Variants in LARP4 observed in about 807,000 individuals in gnomAD.
LARP4 encodes the protein La ribonucleoprotein 4, also known as la-related protein 4.
In LARP4, 29 loss-of-function variants were observed where a neutral mutation model predicts 92.9. The observed-to-expected ratio is 0.31, with a 90% confidence interval of 0.23 to 0.43. The LOEUF is 0.43. LARP4 is among the 20% of genes least tolerant of loss of function. The pLI, the probability that LARP4 is intolerant of heterozygous loss-of-function variation, is 1.00. For synonymous variants in LARP4, 279 were observed against 284.1 expected (o/e 0.98, Z 0.18); for missense variants, 732 against 860.0 (o/e 0.85, Z 1.86).
rs1161097998 is a variant in LARP4, at chr12:50,444,066, C to T, written c.804+2423C>T. 2.0e-5 allele frequency among the ~76,000 whole-genome samples: 3 copies of T among 152,144 alleles called. No individual in the cohort carries two copies. The East Asian group carries it at 5.8e-4, about 29-fold the overall frequency. ...AGAATATTTGTCTAGTTCCAACAAA[C>T]AGCCAAACAAAATCTATAATGGAAT... is the stretch of plus-strand genomic sequence containing the variant. On this transcript the variant is annotated intron_variant, in intron 8 of 15. Transcript: ENST00000398473.
chr12:50,445,793 G>A (rs1951914600), intron 8 of LARP4, among the ~76,000 whole-genome samples: 1 of 152,024 alleles, frequency 6.6e-6, no homozygotes, highest in African/African-American at 2.4e-5. Context: ...TCTCTCTGCT[G>A]TGATTTCCCC....
chr12:50,462,634 A>G lies in LARP4; in HGVS notation c.1383+4A>G. The G allele has an allele frequency of 6.3e-7, 1 of 1,583,582 alleles. No homozygotes were observed. Among genetic ancestry groups the G allele is most frequent in the Non-Finnish European group, 8.6e-7 (1 of 1,159,734 alleles). On this transcript the variant is annotated splice_donor_region_variant and intron_variant, in intron 12 of 15. Coordinates refer to ENST00000398473, the MANE Select transcript of LARP4 (RefSeq NM_052879.5). ...ACGAGAAGATGACAGGATCTCAGTA[A>G]GTTTTTTAAAACTTTTATTCAGACT...
intron 8 of LARP4, among the ~76,000 whole-genome samples, chr12:50,442,736 T>C (rs1951414367): frequency 6.6e-6 from 1 of 152,236 alleles, no homozygotes; most frequent in African/African-American, 2.4e-5. Flanking sequence ...TTTTGTTTTC[T>C]TCAGTTTCCT....
At chr12:50,439,184 G>T (rs924708572) in intron 6 of LARP4, among the ~76,000 whole-genome samples, 6 of 151,998 alleles carry the variant, frequency 3.9e-5, no homozygotes, top group Non-Finnish European at 7.4e-5. Flanking sequence ...AGCAATCTGT[G>T]CACCTTGGCC....
intron 1 of LARP4, among the ~76,000 whole-genome samples, chr12:50,420,157 A>G (rs1427635941): frequency 6.6e-6 from 1 of 152,212 alleles, no homozygotes. Flanking sequence ...TTGATCAGAT[A>G]GATTTGAGGA....
At position 50,427,801 on chromosome 12, in the gene LARP4, A is replaced by C. The variant is rs1949021371; in HGVS notation, c.58A>C (p.Lys20Gln). 1 of 1,598,540 alleles carries C rather than the reference A, an allele frequency of 6.3e-7. No individual in the cohort carries two copies. The change falls in exon 2 of 16, where the codon AAA (lysine) becomes CAA (glutamine). Residue 20 changes from lysine (K) to glutamine (Q), a missense_variant. By Grantham distance (53) the Lys-to-Gln change is moderately conservative. Coordinates refer to ENST00000398473, the MANE Select transcript of LARP4 (RefSeq NM_052879.5). Reference sequence around the variant, plus strand: ...AGGAACTGGTTTAAATCCTAATGCCAAAGTATGGCAAGAAATTGCTCCTGG... The same window carrying C: ...AGGAACTGGTTTAAATCCTAATGCCCAAGTATGGCAAGAAATTGCTCCTGG... ...SKGTGLNPNAKVWQEIAPGNT... is the reference protein window; with the variant it reads ...SKGTGLNPNAQVWQEIAPGNT...
intron 1 of LARP4, among the ~76,000 whole-genome samples, chr12:50,409,494 C>T (rs1455449586): frequency 6.6e-6 from 1 of 152,142 alleles, no homozygotes; most frequent in Non-Finnish European, 1.5e-5. Context: ...GGTGCAGTGG[C>T]TCATGCCTGT....
rs1420329667 is a variant in LARP4, at chr12:50,475,847, C to T, written c.2158C>T (p.Pro720Ser). The T allele has an allele frequency of 6.2e-7, 1 of 1,611,856 alleles. No individual in the cohort carries two copies. Among genetic ancestry groups the T allele is most frequent in the Non-Finnish European group, 8.5e-7 (1 of 1,178,954 alleles). Reference sequence around the variant, plus strand: ...TAATGGCAAAGAGCAATATGTGCCACCCAGATCACCAAAGTAAAAAACAAC... The same window carrying T: ...TAATGGCAAAGAGCAATATGTGCCATCCAGATCACCAAAGTAAAAAACAAC... ...RRNGKEQYVPPRSPK is the reference protein window; with the variant it reads ...RRNGKEQYVPSRSPK Residue 720 changes from proline (P) to serine (S), a missense_variant, in exon 16 of 16, where the codon CCC becomes TCC. By Grantham distance (74) the Pro-to-Ser change is moderately conservative. This residue lies in a region of LARP4 where 115 missense variants were observed against 129.1 expected (regional missense o/e 0.89). Transcript: ENST00000398473.
At chr12:50,414,188 C>G (rs1250934545) in intron 1 of LARP4, among the ~76,000 whole-genome samples, 1 of 152,172 alleles carries the variant, frequency 6.6e-6, no homozygotes, top group South Asian at 2.1e-4. Context: ...TTATGATAAA[C>G]TATTCCAGTC....
At position 50,401,034 on chromosome 12, in the gene LARP4, T is replaced by C; in HGVS notation, c.18+6T>C. Reference sequence around the variant, plus strand: ...ACATGTTGCTTTTCGTGGAGGTGAGTGCATTATGCTAGTCTCGTCCTGCTC... The same window carrying C: ...ACATGTTGCTTTTCGTGGAGGTGAGCGCATTATGCTAGTCTCGTCCTGCTC... On this transcript the variant is annotated splice_donor_region_variant and intron_variant, in intron 1 of 15. Coordinates refer to ENST00000398473, the MANE Select transcript of LARP4 (RefSeq NM_052879.5). The C allele has an allele frequency of 6.2e-7, 1 of 1,613,814 alleles. No individual in the cohort carries two copies. Among genetic ancestry groups the C allele is most frequent in the Non-Finnish European group, 8.5e-7 (1 of 1,179,908 alleles).
intron 12 of LARP4, among the ~76,000 whole-genome samples, chr12:50,464,721 G>A (rs1955911549): frequency 6.7e-6 from 1 of 149,362 alleles, no homozygotes; most frequent in Non-Finnish European, 1.5e-5. Flanking sequence ...ACAGAGTTTC[G>A]CTCTTGTTGT....
intron 3 of LARP4, among the ~76,000 whole-genome samples, 200 bp downstream of exon 3, chr12:50,429,290 T>C (rs1309077480): frequency 1.3e-5 from 2 of 152,030 alleles, no homozygotes; most frequent in African/African-American, 4.8e-5. Context: ...TTTATGAGGG[T>C]TCTATTAAAG....
intron 5 of LARP4, among the ~76,000 whole-genome samples, chr12:50,436,156 G>A (rs907963192): frequency 3.7e-5 from 3 of 81,802 alleles, no homozygotes; most frequent in African/African-American, 1.1e-4. Context: ...TCCCGCTGGG[G>A]TGTGTGTGTG....
chr12:50,410,700 G>A (rs1945727869), intron 1 of LARP4, among the ~76,000 whole-genome samples: 1 of 152,142 alleles, frequency 6.6e-6, no homozygotes, highest in Admixed American at 6.6e-5. Context: ...CACGGTACCC[G>A]GCCTAGAATT....
chr12:50,428,417 A>T (rs1949145097), intron 2 of LARP4, among the ~76,000 whole-genome samples: 1 of 152,206 alleles, frequency 6.6e-6, no homozygotes, highest in African/African-American at 2.4e-5. Flanking sequence ...AATGTTTAAC[A>T]TGTAGTTTGT....
At chr12:50,463,815 T>C (rs1240854016) in intron 12 of LARP4, among the ~76,000 whole-genome samples, 1 of 152,156 alleles carries the variant, frequency 6.6e-6, no homozygotes, top group Non-Finnish European at 1.5e-5. Context: ...AGTGCCCTAG[T>C]GGAGGCTTGA....
intron 1 of LARP4, among the ~76,000 whole-genome samples, chr12:50,408,751 T>G (rs1033771847): frequency 7.2e-5 from 11 of 152,180 alleles, no homozygotes; most frequent in African/African-American, 2.2e-4. Flanking sequence ...CAGAAGAGAT[T>G]AGAGGTTTAC....
rs774756226 is a variant in LARP4, at chr12:50,476,629, C to G, written c.*765C>G. 1 of 152,576 alleles carries G rather than the reference C, an allele frequency of 6.6e-6. No homozygotes were observed. Among genetic ancestry groups the G allele is most frequent in the Non-Finnish European group, 1.5e-5 (1 of 68,014 alleles). The allele number at this position is 152,576 out of a possible 1,614,324, so 9.5% of individuals were successfully genotyped here. A position where few individuals can be genotyped will look rare whatever the true frequency, so the allele number is the denominator to read the frequency against. ...TTATTCAAGAAATTGAAAATTTCAT[C>G]TTGGACCTCAGTGCATAGGTCAAAT... On this transcript the variant is annotated 3_prime_UTR_variant, in exon 16 of 16. Transcript: ENST00000398473.
In LARP4 at chr12:50,466,945, T is replaced by C; in HGVS notation, c.1384-14T>C. ...GATAGCCATGTGACCTGTTTTATTA[T>C]TTGTTCATTTTAGAGACCTCATCCT... On this transcript the variant is annotated splice_polypyrimidine_tract_variant and intron_variant, in intron 12 of 15. Coordinates refer to ENST00000398473, the MANE Select transcript of LARP4 (RefSeq NM_052879.5). The C allele has an allele frequency of 6.3e-7, 1 of 1,599,206 alleles. No individual in the cohort carries two copies. Among genetic ancestry groups the C allele is most frequent in the African/African-American group, 1.3e-5 (1 of 74,828 alleles).
Sources: allele counts gnomAD v4.1 joint callset (sites outside exome capture counted in the v4.1 genomes callset), GRCh38; gene constraint gnomAD v4.1.1; regional missense constraint gnomAD v4.1.1; transcripts MANE v1.5; gene names NCBI Gene and HGNC (gene_info 2026-07-23, HGNC 2026-07-21).